HS2ST1: variants seen among roughly 807,000 people sequenced by gnomAD.
HS2ST1 encodes the protein 2-O-sulfotransferase.
A neutral mutation model predicts 42.9 loss-of-function variants in HS2ST1; 18 were observed. The observed-to-expected ratio is 0.42, with a 90% CI of 0.29 to 0.62. The LOEUF (loss-of-function observed/expected upper bound fraction) is 0.62. HS2ST1 is among the 20% of genes least tolerant of loss of function. The pLI, the probability that HS2ST1 is intolerant of heterozygous loss-of-function variation, is 0.21. For missense variants in HS2ST1, 334 were observed against 433.8 expected (o/e 0.77, Z 2.04); for synonymous variants, 146 against 152.9 (o/e 0.95, Z 0.33).
At chr1:87,090,289 AGAAATG>A (rs1163099188) in intron 3 of HS2ST1, among the ~76,000 whole-genome samples, 1 of 152,028 alleles carries the variant, frequency 6.6e-6, no homozygotes, top group Non-Finnish European at 1.5e-5. Context: ...TGAACAAGAG[AGAAATG>A]GTCCCTGCCC....
At chr1:87,021,373 A>G (rs1649944861) in intron 1 of HS2ST1, among the ~76,000 whole-genome samples, 1 of 152,208 alleles carries the variant, frequency 6.6e-6, no homozygotes, top group African/African-American at 2.4e-5. Flanking sequence ...ATGTTCTTCC[A>G]TAAATCCCTT....
chr1:86,922,416 A>C (rs987865140), intron 1 of HS2ST1, among the ~76,000 whole-genome samples: 2 of 110,946 alleles, frequency 1.8e-5, no homozygotes, highest in African/African-American at 9.2e-5. Context: ...AGTGTTCTTC[A>C]TTTTGTGTGT....
intron 1 of HS2ST1, among the ~76,000 whole-genome samples, chr1:86,955,046 C>T (rs1297020933): frequency 2.6e-5 from 4 of 151,936 alleles, no homozygotes; most frequent in African/African-American, 9.7e-5. Context: ...TGCAGTGAGC[C>T]GTGATCGTGA....
chr1:86,980,138 T>C (rs545573804), intron 1 of HS2ST1, among the ~76,000 whole-genome samples: 1 of 152,326 alleles, frequency 6.6e-6, no homozygotes, highest in South Asian at 2.1e-4. Context: ...GAATGCCTGC[T>C]CACTCTATGT....
chr1:86,963,165 A>AT (rs796906264), intron 1 of HS2ST1, among the ~76,000 whole-genome samples: 73 of 144,132 alleles, frequency 5.1e-4, no homozygotes, highest in East Asian at 4.1e-3. Flanking sequence ...TTTTTTTTGT[A>AT]TTTTTTTTTT....
chr1:86,929,432 C>T (rs1660494286), intron 1 of HS2ST1, among the ~76,000 whole-genome samples: 1 of 151,808 alleles, frequency 6.6e-6, no homozygotes, highest in Non-Finnish European at 1.5e-5. Flanking sequence ...GTAATAATCA[C>T]TGGCAATTCA....
chr1:87,046,178 A>G, intron 1 of HS2ST1: 1 of 828,972 alleles, frequency 1.2e-6, no homozygotes, highest in Non-Finnish European at 2.1e-6. Flanking sequence ...TGTGCCTGGC[A>G]GCTGTTGTTC....
chr1:87,005,812 A>G (rs1275309095), intron 1 of HS2ST1, among the ~76,000 whole-genome samples: 2 of 152,184 alleles, frequency 1.3e-5, no homozygotes, highest in Non-Finnish European at 2.9e-5. Flanking sequence ...CGCCTATGAT[A>G]AAATAACTTT....
chr1:87,003,117 G>A (rs1649339535), intron 1 of HS2ST1, among the ~76,000 whole-genome samples: 1 of 152,224 alleles, frequency 6.6e-6, no homozygotes, highest in African/African-American at 2.4e-5. Flanking sequence ...GATGAATCAG[G>A]TGAAGAAGGA....
At chr1:86,980,296 A>G (rs1485544718) in intron 1 of HS2ST1, among the ~76,000 whole-genome samples, 3 of 152,224 alleles carry the variant, frequency 2.0e-5, no homozygotes, top group Non-Finnish European at 2.9e-5. Flanking sequence ...TTTATATGAC[A>G]TTGTGCCTTC....
intron 1 of HS2ST1, among the ~76,000 whole-genome samples, chr1:86,996,191 C>T (rs1024590501): frequency 2.0e-5 from 3 of 151,980 alleles, no homozygotes; most frequent in South Asian, 4.1e-4. Context: ...GCCTGTAATC[C>T]CAGCACTTTG....
Position 87,092,574 on chromosome 1 carries a change from G to T in HS2ST1, c.493G>T (p.Asp165Tyr), listed in dbSNP as rs758990524. 1.1e-5 allele frequency: 17 copies of T among 1,583,046 alleles called. No homozygotes were observed. Among genetic ancestry groups the T allele is most frequent in the African/African-American group, 1.4e-5 (1 of 73,150 alleles). The change falls in exon 4 of 7, where the codon GAT (aspartate) becomes TAT (tyrosine). Residue 165 changes from aspartate to tyrosine, a missense_variant. Coordinates refer to ENST00000370550, the MANE Select transcript of HS2ST1 (RefSeq NM_012262.4). Reference protein sequence around the residue: ...KKPIYINVIRDPIERLVSYYY... With the variant: ...KKPIYINVIRYPIERLVSYYY... ...ACCAATTTACATTAATGTCATAAGG[G>T]ATCCTATTGAGAGGCTAGTTTCTTA...
intron 2 of HS2ST1, 82 bp from the exon 3 acceptor site, chr1:87,084,112 A>C: frequency 1.1e-6 from 1 of 892,928 alleles, no homozygotes; most frequent in Non-Finnish European, 1.7e-6. Flanking sequence ...AGGTTTTTAA[A>C]TTCCTATCTT....
intron 1 of HS2ST1, among the ~76,000 whole-genome samples, chr1:87,037,584 C>A (rs1357194372): frequency 1.3e-5 from 2 of 150,492 alleles, no homozygotes; most frequent in Non-Finnish European, 3.0e-5. Context: ...TAGAATATTT[C>A]AAATAAAGTT....
At chr1:87,055,711 G>A (rs148225251) in intron 1 of HS2ST1, among the ~76,000 whole-genome samples, 26 of 152,244 alleles carry the variant, frequency 1.7e-4, no homozygotes, top group African/African-American at 6.3e-4. Flanking sequence ...ATTCTAAGAT[G>A]TTAGTTGCCT....
chr1:87,027,315 A>G (rs1650112741), intron 1 of HS2ST1, among the ~76,000 whole-genome samples: 1 of 152,226 alleles, frequency 6.6e-6, no homozygotes, highest in African/African-American at 2.4e-5. Context: ...GAGTTTCATA[A>G]GATAAGCACT....
At chr1:86,926,818 A>G (rs1258367563) in intron 1 of HS2ST1, among the ~76,000 whole-genome samples, 7 of 152,210 alleles carry the variant, frequency 4.6e-5, no homozygotes, top group Admixed American at 2.0e-4. Context: ...TATTGAGCAC[A>G]GGCCTTAGCA....
At chr1:86,954,479 A>T (rs1206677561) in intron 1 of HS2ST1, among the ~76,000 whole-genome samples, 1 of 152,262 alleles carries the variant, frequency 6.6e-6, no homozygotes, top group Non-Finnish European at 1.5e-5. Flanking sequence ...TAACTTATCC[A>T]TGCTCAATAT....
chr1:87,007,987 A>AT (rs1486373386), intron 1 of HS2ST1, among the ~76,000 whole-genome samples: 1 of 152,102 alleles, frequency 6.6e-6, no homozygotes. Flanking sequence ...TTTATTTGTA[A>AT]TTTTTGTGGG....
Sources: gnomAD v4.1 joint callset for allele counts (sites outside exome capture counted in the v4.1 genomes callset) on GRCh38, gnomAD v4.1.1 for gene constraint, MANE v1.5 for transcripts, NCBI Gene and HGNC (gene_info 2026-07-23, HGNC 2026-07-21) for gene names.